ANK2: variants seen among roughly 807,000 people sequenced by gnomAD.
ANK2 encodes the protein ankyrin 2.
Under a neutral mutation model 360.5 loss-of-function variants are expected in ANK2, and 83 were observed. The ratio of observed to expected loss-of-function variants is 0.23; its 90% CI spans 0.19 to 0.28. ANK2 has a LOEUF of 0.28. Among genes scored for constraint, ANK2 ranks in the 10% least tolerant of loss-of-function variants. The probability of loss-of-function intolerance (pLI) is 1.00; values close to 1 mark genes in which losing one functional copy is unlikely to be tolerated. For synonymous variants in ANK2, 1,740 were observed against 1,759.5 expected, an observed-to-expected ratio of 0.99 and a Z score of 0.28; for missense variants, 4,201 against 4,795.7, an observed-to-expected ratio of 0.88 and a Z score of 3.66.
chr4:113,051,176 A>G (rs1341200212), intron 1 of ANK2, among the ~76,000 whole-genome samples: 2 of 152,198 alleles, frequency 1.3e-5, no homozygotes, highest in Non-Finnish European at 2.9e-5. Flanking sequence ...AAAGAAAAAG[A>G]AAATAGAAGA....
intron 1 of ANK2, chr4:112,882,351 G>C (rs1182924242): frequency 6.6e-6 from 1 of 152,270 alleles, no homozygotes; most frequent in Admixed American, 6.5e-5. Context: ...GGTGGCACAA[G>C]CCAGATACTC....
At chr4:113,183,255 A>T (rs1338447778) in intron 2 of ANK2, among the ~76,000 whole-genome samples, 2 of 152,034 alleles carry the variant, frequency 1.3e-5, no homozygotes, top group Non-Finnish European at 2.9e-5. Context: ...GAAGGTGTGA[A>T]ATAATAATCC....
At chr4:113,137,958 G>A (rs116047660) in intron 1 of ANK2, among the ~76,000 whole-genome samples, 2 of 152,118 alleles carry the variant, frequency 1.3e-5, no homozygotes, top group Non-Finnish European at 2.9e-5. Context: ...ATTTATGACT[G>A]TATTTCTGGA....
At chr4:113,194,530 A>G (rs2098719975) in intron 2 of ANK2, among the ~76,000 whole-genome samples, 3 of 152,192 alleles carry the variant, frequency 2.0e-5, no homozygotes, top group Non-Finnish European at 2.9e-5. Context: ...ATAAAATTTG[A>G]TAGAAGTGCT....
At chr4:113,235,583 C>A (rs2099365544) in intron 5 of ANK2, among the ~76,000 whole-genome samples, 1 of 151,976 alleles carries the variant, frequency 6.6e-6, no homozygotes, top group African/African-American at 2.4e-5. Flanking sequence ...TGCACGCCAC[C>A]ACATTCATCT....
the ANK2 span, among the ~76,000 whole-genome samples, chr4:112,740,677 G>A: frequency 0.15 from 22,760 of 151,714 alleles, 2,333 homozygotes; most frequent in East Asian, 0.49. Context: ...ACGTCAGCCT[G>A]GGCAACAGAG....
intron 2 of ANK2, among the ~76,000 whole-genome samples, chr4:113,174,939 T>C (rs1243973691): frequency 6.6e-6 from 1 of 152,206 alleles, no homozygotes. Context: ...TCCTAATTAA[T>C]TTTAAAATAT....
intron 24 of ANK2, among the ~76,000 whole-genome samples, chr4:113,317,224 A>G: frequency 6.6e-6 from 1 of 152,232 alleles, no homozygotes; most frequent in Non-Finnish European, 1.5e-5. Context: ...AGAAAGAGGC[A>G]TAGAGAGAGA....
chr4:113,223,440 C>T (rs767969201), intron 4 of ANK2, among the ~76,000 whole-genome samples: 1 of 152,062 alleles, frequency 6.6e-6, no homozygotes, highest in Non-Finnish European at 1.5e-5. Flanking sequence ...GGTTATGTAA[C>T]TTATTGAGTG....
intron 1 of ANK2, among the ~76,000 whole-genome samples, chr4:113,109,562 T>A (rs901611127): frequency 6.6e-6 from 1 of 152,180 alleles, no homozygotes; most frequent in African/African-American, 2.4e-5. Flanking sequence ...TGTGTGGACA[T>A]TGACCTTCGA....
chr4:113,150,099 C>T (rs879260367), intron 1 of ANK2, among the ~76,000 whole-genome samples: 8 of 151,906 alleles, frequency 5.3e-5, no homozygotes, highest in Admixed American at 4.6e-4. Flanking sequence ...GCTCTGGGAA[C>T]ACCTCGTGGA....
At chr4:113,278,232 C>T (rs2060964825) in intron 16 of ANK2, among the ~76,000 whole-genome samples, 1 of 152,156 alleles carries the variant, frequency 6.6e-6, no homozygotes, top group Non-Finnish European at 1.5e-5. Flanking sequence ...GACCTTTTTA[C>T]ATTGTGACCC....
At chr4:112,974,754 A>G (rs1582313543) in intron 2 of ANK2, among the ~76,000 whole-genome samples, 1 of 152,308 alleles carries the variant, frequency 6.6e-6, no homozygotes, top group South Asian at 2.1e-4. Context: ...AGTTTTCTGT[A>G]GAGAACTTGC....
intron 1 of ANK2, among the ~76,000 whole-genome samples, chr4:112,868,780 C>T (rs2071668852): frequency 6.6e-6 from 1 of 152,006 alleles, no homozygotes; most frequent in Non-Finnish European, 1.5e-5. Context: ...TGTATATATA[C>T]ATTGTAAATG....
intron 1 of ANK2, among the ~76,000 whole-genome samples, chr4:112,888,443 G>A (rs954626825): frequency 5.9e-5 from 9 of 151,928 alleles, no homozygotes; most frequent in Non-Finnish European, 1.2e-4. Flanking sequence ...TTTGTATTCT[G>A]AAAATAACAA....
At chr4:112,976,715 C>CT (rs909340917) in intron 2 of ANK2, among the ~76,000 whole-genome samples, 1 of 150,726 alleles carries the variant, frequency 6.6e-6, no homozygotes, top group Non-Finnish European at 1.5e-5. Flanking sequence ...GAGGTTTGCA[C>CT]TTTTTTTTCC....
chr4:112,849,564 C>T (rs1377811527), intron 1 of ANK2, among the ~76,000 whole-genome samples: 1 of 152,152 alleles, frequency 6.6e-6, no homozygotes, highest in African/African-American at 2.4e-5. Context: ...AGTTAATATG[C>T]TGCCTCTAGT....
intron 1 of ANK2, among the ~76,000 whole-genome samples, chr4:113,075,355 C>G (rs1323084892): frequency 6.6e-6 from 1 of 152,176 alleles, no homozygotes; most frequent in African/African-American, 2.4e-5. Context: ...ATTAATACAT[C>G]TAAATATGTT....
At chr4:113,197,008 C>T (rs770130177) in intron 3 of ANK2, among the ~76,000 whole-genome samples, 1 of 152,192 alleles carries the variant, frequency 6.6e-6, no homozygotes, top group Non-Finnish European at 1.5e-5. Context: ...TTTCCCCCTT[C>T]GATTCACAGA....
Sources: allele counts gnomAD v4.1 joint callset (sites outside exome capture counted in the v4.1 genomes callset), GRCh38; gene constraint gnomAD v4.1.1; transcripts MANE v1.5; gene names NCBI Gene and HGNC (gene_info 2026-07-23, HGNC 2026-07-21).